HIPK2: variants seen among roughly 807,000 people sequenced by gnomAD.
HIPK2 encodes the protein homeodomain interacting protein kinase 2.
Under a neutral mutation model 113.7 loss-of-function variants are expected in HIPK2, and 27 were observed. That is an observed-to-expected ratio of 0.24 (90% CI 0.17 to 0.33). The LOEUF (loss-of-function observed/expected upper bound fraction) is 0.33, where lower values mean the gene tolerates loss of function less well. Among genes scored for constraint, HIPK2 ranks in the 10% least tolerant of loss-of-function variants. HIPK2 has a pLI of 1.00. For missense variants in HIPK2, 1,257 were observed against 1,588.0 expected, an observed-to-expected ratio of 0.79 and a Z score of 3.54; for synonymous variants, 631 against 642.2, an observed-to-expected ratio of 0.98 and a Z score of 0.26.
rs1798107004 is a variant in HIPK2 at position 139,566,877 on chromosome 7, A to G, written c.*6050T>C. ...GGCTTGGGCAAGTCCAGCGGGGGGCATCGGGAAGACCCTCTCTGGTGCTGG... is the reference window on the plus strand; with the variant it reads ...GGCTTGGGCAAGTCCAGCGGGGGGCGTCGGGAAGACCCTCTCTGGTGCTGG... On this transcript the variant is annotated 3_prime_UTR_variant, in exon 15 of 15. Transcript: ENST00000406875. The surrounding 1 kb of genome is among the most constrained non-coding windows in gnomAD (Gnocchi z 4.1). The G allele has an allele frequency of 6.6e-6, 1 of 152,292 alleles. No homozygotes were observed. Among genetic ancestry groups the G allele is most frequent in the Non-Finnish European group, 1.5e-5 (1 of 68,074 alleles). 9.4% of individuals were successfully genotyped at this position (152,292 alleles called of 1,614,324 possible).
chr7:139,646,705 C>G (rs972580333), intron 2 of HIPK2, among the ~76,000 whole-genome samples: 4 of 152,122 alleles, frequency 2.6e-5, no homozygotes, highest in African/African-American at 9.7e-5. Context: ...TCGTGAGCCC[C>G]AAACACTACT....
intron 6 of HIPK2, among the ~76,000 whole-genome samples, chr7:139,622,795 C>T (rs1191826267): frequency 1.3e-5 from 2 of 152,156 alleles, no homozygotes; most frequent in African/African-American, 2.4e-5. Context: ...GTTCAGAGAC[C>T]CACCTTTCCT....
At chr7:139,668,636 C>G (rs1395525798) in intron 2 of HIPK2, among the ~76,000 whole-genome samples, 1 of 151,776 alleles carries the variant, frequency 6.6e-6, no homozygotes, top group African/African-American at 2.4e-5. Flanking sequence ...CATTTCTCAC[C>G]TGAGGCATGG....
At chr7:139,691,540 G>A (rs1190988451) in intron 2 of HIPK2, among the ~76,000 whole-genome samples, 4 of 152,216 alleles carry the variant, frequency 2.6e-5, no homozygotes, top group Non-Finnish European at 5.9e-5. Flanking sequence ...CTGCTGCATG[G>A]AGCACAATTT....
intron 5 of HIPK2, among the ~76,000 whole-genome samples, chr7:139,628,452 T>G (rs1296722256): frequency 6.6e-6 from 1 of 151,806 alleles, no homozygotes; most frequent in Non-Finnish European, 1.5e-5. Flanking sequence ...TGTTTTTTTG[T>G]TTTTTTTGAG....
Position 139,604,159 on chromosome 7 carries a change from A to G in HIPK2, c.2177T>C (p.Val726Ala). ...LPPAWQQLTGVATHTSVQHAT... is the reference protein window; with the variant it reads ...LPPAWQQLTGAATHTSVQHAT... ...ATGCTGCACTGATGTGTGGGTGGCC[A>G]CTCCAGTCAGTTGCTGCCATGCTGG... Residue 726 changes from valine to alanine, a missense_variant, in exon 10 of 15, where the codon GTG becomes GCG. This residue lies in a region of HIPK2 where 862 missense variants were observed against 1,004.3 expected (regional missense o/e 0.86). Transcript: ENST00000406875. 2 of 1,613,706 alleles carry G rather than the reference A, an allele frequency of 1.2e-6. No homozygotes were observed. Among genetic ancestry groups the G allele is most frequent in the Non-Finnish European group, 1.7e-6 (2 of 1,179,806 alleles).
intron 13 of HIPK2, among the ~76,000 whole-genome samples, chr7:139,581,174 C>T (rs1440512481): frequency 1.3e-5 from 2 of 152,142 alleles, no homozygotes; most frequent in African/African-American, 2.4e-5. Context: ...AAGCCGAGAT[C>T]GCGCCACTGC....
At chr7:139,633,314 G>C (rs1336913160) in intron 2 of HIPK2, among the ~76,000 whole-genome samples, 1 of 152,034 alleles carries the variant, frequency 6.6e-6, no homozygotes, top group Non-Finnish European at 1.5e-5. Context: ...TAGCATGAGA[G>C]TGGGGAGGAA....
chr7:139,753,213 C>G (rs905277303), intron 1 of HIPK2, among the ~76,000 whole-genome samples: 1 of 152,194 alleles, frequency 6.6e-6, no homozygotes, highest in African/African-American at 2.4e-5. Context: ...GCTGCCTCCG[C>G]AGAACAGAGG....
At position 139,716,332 on chromosome 7, in the gene HIPK2, A is replaced by T; in HGVS notation, c.703T>A (p.Ser235Thr). ...TCAATCTGACCTTGTCGGGCATAGG[A>T]TGGGTGGTTCTTCAGGATCTTGATG... ...VAIKILKNHP[S>T]YARQGQIEVS... Residue 235 changes from serine to threonine, a missense_variant, in exon 2 of 15, where the codon TCC (serine) becomes ACC (threonine). Ser to Thr is a moderately conservative substitution (Grantham distance 58). Coordinates refer to ENST00000406875, the MANE Select transcript of HIPK2 (RefSeq NM_022740.5). The surrounding 1 kb of genome is among the most constrained non-coding windows in gnomAD (Gnocchi z 9.3). 6.2e-7 allele frequency: 1 copy of T among 1,614,028 alleles called. No individual in the cohort carries two copies. The highest frequency in any genetic ancestry group is 8.5e-7 in the Non-Finnish European group (1 of 1,180,006).
chr7:139,621,025 G>T (rs1800216597), intron 6 of HIPK2, among the ~76,000 whole-genome samples: 1 of 152,186 alleles, frequency 6.6e-6, no homozygotes, highest in Non-Finnish European at 1.5e-5. Context: ...TGGGTCACCA[G>T]CACCACCTAG....
chr7:139,760,881 G>C (rs929675798), intron 1 of HIPK2, among the ~76,000 whole-genome samples: 1 of 152,136 alleles, frequency 6.6e-6, no homozygotes, highest in African/African-American at 2.4e-5. Flanking sequence ...AGATGAGCTT[G>C]GGGCATTTGT....
intron 1 of HIPK2, among the ~76,000 whole-genome samples, chr7:139,751,166 T>C (rs371424880): frequency 6.6e-6 from 1 of 151,932 alleles, no homozygotes; most frequent in Non-Finnish European, 1.5e-5. Context: ...ATAATTACCA[T>C]AGTAAACACA....
Position 139,596,950 on chromosome 7 carries a change from T to C in HIPK2, c.2484A>G (p.Pro828=). 1 of 1,608,364 alleles carries C rather than the reference T, an allele frequency of 6.2e-7. No homozygotes were observed. The highest frequency in any genetic ancestry group is 8.5e-7 in the Non-Finnish European group (1 of 1,175,528). The change falls in exon 12 of 15, where the codon CCA becomes CCG. Residue 828 remains proline, a synonymous_variant. Coordinates refer to ENST00000406875, the MANE Select transcript of HIPK2 (RefSeq NM_022740.5). The part of the protein sequence containing the change: ...EVSSSQAISS[P]QRSKRVKENT... ...TCTCCTTGACACGCTTGGATCGCTG[T>C]GGGGAGCTGATGGCCTGAGAGGAGG...
chr7:139,773,648 C>T (rs1204310265), intron 1 of HIPK2, among the ~76,000 whole-genome samples: 2 of 152,162 alleles, frequency 1.3e-5, no homozygotes, highest in South Asian at 2.1e-4. Context: ...AAATATAAAA[C>T]ATAAAATACA....
chr7:139,766,293 C>G (rs548335259), intron 1 of HIPK2, among the ~76,000 whole-genome samples: 1 of 152,230 alleles, frequency 6.6e-6, no homozygotes. Context: ...GCGGTATTAG[C>G]TGTTATGATC....
At chr7:139,729,555 G>A (rs1020898735) in intron 1 of HIPK2, among the ~76,000 whole-genome samples, 5 of 152,116 alleles carry the variant, frequency 3.3e-5, no homozygotes, top group South Asian at 2.1e-4. Flanking sequence ...GAGGAGCCCC[G>A]GCTTGGTTCT....
intron 2 of HIPK2, among the ~76,000 whole-genome samples, chr7:139,697,580 T>C (rs1394167471): frequency 2.6e-5 from 4 of 152,086 alleles, no homozygotes; most frequent in Non-Finnish European, 4.4e-5. Flanking sequence ...CTAAAGGTTT[T>C]TTTTTTTCTG....
chr7:139,663,861 G>C (rs1396490132), intron 2 of HIPK2, among the ~76,000 whole-genome samples: 1 of 152,118 alleles, frequency 6.6e-6, no homozygotes, highest in African/African-American at 2.4e-5. Flanking sequence ...CTGCTTTCCC[G>C]AAGCCCACCC....
Sources: allele counts gnomAD v4.1 joint callset (sites outside exome capture counted in the v4.1 genomes callset), GRCh38; gene constraint gnomAD v4.1.1; regional missense constraint gnomAD v4.1.1; non-coding constraint Gnocchi (gnomAD v3.1); transcripts MANE v1.5; gene names NCBI Gene and HGNC (gene_info 2026-07-23, HGNC 2026-07-21).